The following ADAM23 variants were observed in gnomAD, a reference collection of about 807,000 sequenced individuals.
ADAM23 encodes disintegrin and metalloproteinase domain-containing protein 23.
ADAM23 carries 33 observed loss-of-function variants against 120.1 expected under a neutral mutation model. The observed-to-expected ratio is 0.27, with a 90% CI of 0.21 to 0.37. ADAM23 has a LOEUF of 0.37. ADAM23 is among the 10% of genes least tolerant of loss of function. The pLI is 1.00. For missense variants in ADAM23, 862 were observed against 1,058.2 expected (o/e 0.81, Z 2.57); for synonymous variants, 367 against 375.2 (o/e 0.98, Z 0.25).
chr2:206,464,742 G>A lies in ADAM23; in HGVS notation c.433-16490G>A, dbSNP rs144097783. Among the ~76,000 whole-genome samples, 645 of 152,160 alleles carry A rather than the reference G, an allele frequency of 4.2e-3. 3 individuals are homozygous for A. The highest frequency in any genetic ancestry group is 0.014 in the African/African-American group (589 of 41,508). On this transcript the variant is annotated intron_variant, in intron 2 of 25. Coordinates refer to ENST00000264377, the MANE Select transcript of ADAM23 (RefSeq NM_003812.4). Reference sequence around the variant, plus strand: ...CCCCATAGGACATTTGGCAGTGTCTGGAGATATTTTTGGTTGTCAGAACTG... The same window carrying A: ...CCCCATAGGACATTTGGCAGTGTCTAGAGATATTTTTGGTTGTCAGAACTG...
intron 9 of ADAM23, among the ~76,000 whole-genome samples, chr2:206,555,824 A>G (rs1251068998): frequency 6.6e-6 from 1 of 152,178 alleles, no homozygotes; most frequent in Non-Finnish European, 1.5e-5. Context: ...TTCTCTTTCA[A>G]TCCACAATTC....
rs760162145 is a variant in ADAM23 at position 206,617,675 on chromosome 2, A to G, written c.*48A>G. On this transcript the variant is annotated 3_prime_UTR_variant, in exon 26 of 26. Transcript: ENST00000264377. Reference sequence around the variant, plus strand: ...CGCCTTGCACTGTTGGATTCTGGGTATGACATACTCGCAGCAGTGTTACTG... The same window carrying G: ...CGCCTTGCACTGTTGGATTCTGGGTGTGACATACTCGCAGCAGTGTTACTG... The G allele has an allele frequency of 8.1e-6, 13 of 1,610,608 alleles. No individual in the cohort carries two copies. In the African/African-American group the frequency reaches 9.3e-5, roughly 12 times the overall value.
At chr2:206,592,819 C>A (rs1402179807) in intron 22 of ADAM23, 83 bp downstream of exon 22, 3 of 1,491,488 alleles carry the variant, frequency 2.0e-6, no homozygotes, top group Non-Finnish European at 2.7e-6. Context: ...AATCAGAAAT[C>A]AAAGATTTTT....
At chr2:206,544,613 ATTT>A (rs58554638) in intron 6 of ADAM23, among the ~76,000 whole-genome samples, 23 of 132,754 alleles carry the variant, frequency 1.7e-4, no homozygotes, top group East Asian at 2.2e-4. Context: ...GGAGAGTTAA[ATTT>A]TTTTTTTTTT....
intron 2 of ADAM23, among the ~76,000 whole-genome samples, chr2:206,467,364 A>G (rs1246185693): frequency 1.3e-5 from 2 of 152,252 alleles, no homozygotes; most frequent in Non-Finnish European, 2.9e-5. Flanking sequence ...CATTTGGTAA[A>G]TACTCCCATT....
chr2:206,468,873 C>G (rs1054065561), intron 2 of ADAM23, among the ~76,000 whole-genome samples: 5 of 152,184 alleles, frequency 3.3e-5, no homozygotes, highest in Non-Finnish European at 5.9e-5. Context: ...CTGGGGAAGC[C>G]TCAGGGAGCT....
At chr2:206,591,926 A>G (rs988984562) in intron 21 of ADAM23, among the ~76,000 whole-genome samples, 9 of 152,112 alleles carry the variant, frequency 5.9e-5, no homozygotes, top group African/African-American at 2.2e-4. Flanking sequence ...ATTTTTGTAC[A>G]TTTGTTGGAC....
At chr2:206,598,921 G>A (rs1698582785) in intron 24 of ADAM23, among the ~76,000 whole-genome samples, 1 of 150,036 alleles carries the variant, frequency 6.7e-6, no homozygotes, top group South Asian at 2.1e-4. Flanking sequence ...CCCCAAAAAA[G>A]AGGCCAGGCA....
At chr2:206,569,856 G>A (rs900370968) in intron 15 of ADAM23, among the ~76,000 whole-genome samples, 3 of 152,166 alleles carry the variant, frequency 2.0e-5, no homozygotes, top group South Asian at 2.1e-4. Flanking sequence ...GGAAGGCAGC[G>A]CTTCCTTGAG....
At chr2:206,585,854 T>C (rs1291823054) in intron 18 of ADAM23, among the ~76,000 whole-genome samples, 4 of 152,036 alleles carry the variant, frequency 2.6e-5, no homozygotes, top group African/African-American at 9.7e-5. Context: ...CTTGTAGACT[T>C]CTCTAAAAAT....
rs533670253 is a variant in ADAM23 at position 206,486,821 on chromosome 2, A to G, written c.509+5513A>G. 9.8e-4 allele frequency among the ~76,000 whole-genome samples: 149 copies of G among 152,270 alleles called. 1 individual carries two copies. The highest frequency in any genetic ancestry group is 3.4e-3 in the African/African-American group (141 of 41,562). ...TTCACAAAATTTTGCAGTTATCACC[A>G]CAATCTAATTCTAGAACGTTTTCAT... is the stretch of plus-strand genomic sequence containing the variant. On this transcript the variant is annotated intron_variant, in intron 3 of 25. Coordinates refer to ENST00000264377, the MANE Select transcript of ADAM23 (RefSeq NM_003812.4).
In ADAM23 at chr2:206,587,699, G is replaced by GT. The variant is rs545017780; in HGVS notation, c.1788+332dup. Among the ~76,000 whole-genome samples the GT allele has an allele frequency of 5.7e-3, 871 of 152,070 alleles. 3 individuals carry two copies. The highest frequency in any genetic ancestry group is 7.9e-3 in the Non-Finnish European group (538 of 67,994). ...AAGAAAATATGACAATCTGTCATGA[G>GT]TTTTTTTTCCCCTGAAGCCATATTA... is the stretch of plus-strand genomic sequence containing the variant. On this transcript the variant is annotated intron_variant, in intron 19 of 25. Coordinates refer to ENST00000264377, the MANE Select transcript of ADAM23 (RefSeq NM_003812.4).
At chr2:206,548,395 A>T in intron 8 of ADAM23, 41 bp downstream of exon 8, 11 of 1,575,958 alleles carry the variant, frequency 7.0e-6, no homozygotes, top group Non-Finnish European at 9.5e-6. Flanking sequence ...TATTTTACTC[A>T]ATGAAGTCAT....
chr2:206,575,818 G>A (rs1257372961), intron 18 of ADAM23, among the ~76,000 whole-genome samples: 2 of 152,128 alleles, frequency 1.3e-5, no homozygotes, highest in Non-Finnish European at 2.9e-5. Flanking sequence ...GCAGAACTGT[G>A]GCGGAATGCC....
intron 13 of ADAM23, among the ~76,000 whole-genome samples, chr2:206,563,465 A>T (rs1697811906): frequency 6.6e-6 from 1 of 152,148 alleles, no homozygotes; most frequent in Non-Finnish European, 1.5e-5. Context: ...ACTTCCATTG[A>T]TTATCTTGCT....
intron 3 of ADAM23, among the ~76,000 whole-genome samples, chr2:206,517,514 C>T (rs1696759665): frequency 6.6e-6 from 1 of 152,128 alleles, no homozygotes; most frequent in African/African-American, 2.4e-5. Flanking sequence ...ACTGTGGATG[C>T]AATGTGGTGC....
intron 4 of ADAM23, among the ~76,000 whole-genome samples, chr2:206,538,870 T>TC (rs1453779815): frequency 6.6e-6 from 1 of 152,138 alleles, no homozygotes; most frequent in African/African-American, 2.4e-5. Flanking sequence ...CTCCTTGGCC[T>TC]CCCAAAGTGC....
chr2:206,537,388 GGA>G (rs2105803260), intron 4 of ADAM23, among the ~76,000 whole-genome samples: 1 of 152,204 alleles, frequency 6.6e-6, no homozygotes, highest in South Asian at 2.1e-4. Flanking sequence ...AGAGATTGGA[GGA>G]GTGCGTGTTC....
At chr2:206,524,396 T>G (rs1696903647) in intron 3 of ADAM23, among the ~76,000 whole-genome samples, 1 of 152,198 alleles carries the variant, frequency 6.6e-6, no homozygotes, top group Non-Finnish European at 1.5e-5. Flanking sequence ...CAACTTACAC[T>G]GCTGACTCCT....
Sources: gnomAD v4.1 joint callset for allele counts (sites outside exome capture counted in the v4.1 genomes callset) on GRCh38, gnomAD v4.1.1 for gene constraint, MANE v1.5 for transcripts, NCBI Gene and HGNC (gene_info 2026-07-23, HGNC 2026-07-21) for gene names.